Variants in MSRA observed in about 807,000 individuals in gnomAD.
The protein encoded by MSRA is methionine sulfoxide reductase A.
In MSRA, 54 loss-of-function variants were observed where a neutral mutation model predicts 31.3. The observed-to-expected ratio is 1.73, with a 90% CI of 1.39 to 2.17. The LOEUF (loss-of-function observed/expected upper bound fraction) is 2.17, where lower values mean the gene tolerates loss of function less well. MSRA is among the 30% of genes most tolerant of loss of function. The pLI, the probability that MSRA is intolerant of heterozygous loss-of-function variation, is 0.00. For synonymous variants in MSRA, 169 were observed against 116.5 expected (o/e 1.45, Z -2.90); for missense variants, 507 against 300.9 (o/e 1.69, Z -5.07).
chr8:10,167,732 A>C (rs919485610), intron 1 of MSRA, among the ~76,000 whole-genome samples: 2 of 152,132 alleles, frequency 1.3e-5, no homozygotes, highest in African/African-American at 4.8e-5. Flanking sequence ...AACCTCCATG[A>C]TGTCAAAAGC....
intron 3 of MSRA, among the ~76,000 whole-genome samples, chr8:10,258,809 T>C (rs1008775628): frequency 1.3e-5 from 2 of 152,194 alleles, no homozygotes; most frequent in Non-Finnish European, 2.9e-5. Context: ...AAGACCTTTT[T>C]AAGAAGCAGA....
intron 5 of MSRA, among the ~76,000 whole-genome samples, chr8:10,392,642 C>G (rs1428218018): frequency 2.0e-5 from 3 of 151,662 alleles, no homozygotes; most frequent in African/African-American, 7.3e-5. Context: ...ACACCTCATC[C>G]TGTCATTTGC....
intron 1 of MSRA, among the ~76,000 whole-genome samples, chr8:10,102,292 T>A (rs567112374): frequency 1.2e-3 from 190 of 152,366 alleles, no homozygotes; most frequent in Middle Eastern, 3.4e-3. Context: ...TTTGTTATAG[T>A]TCTACCAGTG....
In MSRA at chr8:10,274,846, A is replaced by C. The variant is rs569936892; in HGVS notation, c.332-26688A>C. 2.6e-5 allele frequency among the ~76,000 whole-genome samples: 4 copies of C among 152,160 alleles called. No homozygotes were observed. In the South Asian group the frequency reaches 8.3e-4, roughly 32 times the overall value. On this transcript the variant is annotated intron_variant, in intron 3 of 5. Coordinates refer to ENST00000317173, the MANE Select transcript of MSRA (RefSeq NM_012331.5). ...ATCCACCCACTCACCTGTTCAACCA[A>C]GCAACCATCCATCTACCCACCCATT...
intron 2 of MSRA, among the ~76,000 whole-genome samples, chr8:10,228,169 G>T (rs961073462): frequency 2.6e-5 from 4 of 152,014 alleles, no homozygotes; most frequent in African/African-American, 4.8e-5. Context: ...GATATTTCTG[G>T]TCTCTGCCTA....
chr8:10,236,544 T>G (rs1487652098), intron 2 of MSRA, among the ~76,000 whole-genome samples: 2 of 152,168 alleles, frequency 1.3e-5, no homozygotes, highest in Non-Finnish European at 2.9e-5. Context: ...ATACAAATAT[T>G]TAAGATCTTT....
chr8:10,081,167 G>T (rs1798274153), intron 1 of MSRA, among the ~76,000 whole-genome samples: 1 of 152,218 alleles, frequency 6.6e-6, no homozygotes. Flanking sequence ...GGAAGGGGTT[G>T]ATCAGGAGGC....
chr8:10,061,759 C>T (rs557835), intron 1 of MSRA, among the ~76,000 whole-genome samples: 32,723 of 152,076 alleles, frequency 0.22, 3,728 homozygotes, highest in Admixed American at 0.3. Context: ...GGGCATGTTC[C>T]GAGTTTTTCC....
intron 1 of MSRA, among the ~76,000 whole-genome samples, chr8:10,139,354 C>G (rs1802512557): frequency 6.6e-6 from 1 of 152,098 alleles, no homozygotes; most frequent in Non-Finnish European, 1.5e-5. Flanking sequence ...TAAACCACTT[C>G]TCATGATCTT....
chr8:10,357,887 T>C (rs963096387), intron 5 of MSRA, among the ~76,000 whole-genome samples: 2 of 152,254 alleles, frequency 1.3e-5, no homozygotes, highest in African/African-American at 4.8e-5. Flanking sequence ...ACTACTTTTA[T>C]ATTGCATTTG....
chr8:10,167,833 A>G (rs970091200), intron 1 of MSRA, among the ~76,000 whole-genome samples: 2 of 152,158 alleles, frequency 1.3e-5, no homozygotes, highest in Non-Finnish European at 2.9e-5. Flanking sequence ...TAATAATTAT[A>G]GAAACCCATG....
intron 1 of MSRA, among the ~76,000 whole-genome samples, chr8:10,168,241 C>A (rs1805311604): frequency 6.6e-6 from 1 of 152,196 alleles, no homozygotes; most frequent in African/African-American, 2.4e-5. Flanking sequence ...ATGTTAACTA[C>A]TATTACTTTA....
intron 1 of MSRA, among the ~76,000 whole-genome samples, chr8:10,071,579 C>A (rs1385478034): frequency 6.6e-6 from 1 of 151,216 alleles, no homozygotes; most frequent in Non-Finnish European, 1.5e-5. Context: ...GAACTCTTTG[C>A]CTTGCGTTGA....
intron 5 of MSRA, among the ~76,000 whole-genome samples, chr8:10,416,535 A>G (rs1183159248): frequency 1.3e-5 from 2 of 152,200 alleles, no homozygotes; most frequent in Admixed American, 1.3e-4. Flanking sequence ...AGGGTGGACA[A>G]GTAGGGACGC....
intron 1 of MSRA, among the ~76,000 whole-genome samples, chr8:10,156,938 G>A (rs1243747447): frequency 1.3e-5 from 2 of 149,910 alleles, no homozygotes; most frequent in African/African-American, 4.9e-5. Context: ...TGTCATTTAT[G>A]AAGACCTACT....
At chr8:10,333,949 A>T (rs1802861749) in intron 5 of MSRA, among the ~76,000 whole-genome samples, 1 of 152,126 alleles carries the variant, frequency 6.6e-6, no homozygotes, top group Non-Finnish European at 1.5e-5. Context: ...GCATTTTCCC[A>T]TTCTCCAACA....
At chr8:10,359,540 C>G (rs920088484) in intron 5 of MSRA, among the ~76,000 whole-genome samples, 7 of 152,148 alleles carry the variant, frequency 4.6e-5, no homozygotes, top group Admixed American at 1.3e-4. Context: ...TTTTCCTCTC[C>G]TTCTCCACCT....
chr8:10,194,387 T>C (rs910820403), intron 1 of MSRA, among the ~76,000 whole-genome samples: 1 of 152,080 alleles, frequency 6.6e-6, no homozygotes, highest in African/African-American at 2.4e-5. Flanking sequence ...TTCAACATGG[T>C]GAAACCTGTC....
intron 5 of MSRA, among the ~76,000 whole-genome samples, chr8:10,363,522 G>A (rs1420317403): frequency 6.6e-6 from 1 of 152,128 alleles, no homozygotes; most frequent in Admixed American, 6.5e-5. Flanking sequence ...CTGTCTTGTA[G>A]CATGACGATG....
Sources: gnomAD v4.1 joint callset for allele counts (sites outside exome capture counted in the v4.1 genomes callset) on GRCh38, gnomAD v4.1.1 for gene constraint, MANE v1.5 for transcripts, NCBI Gene and HGNC (gene_info 2026-07-23, HGNC 2026-07-21) for gene names.